CADM2: variants seen among roughly 807,000 people sequenced by gnomAD.
The protein encoded by CADM2 is immunoglobulin superfamily member 4D.
In CADM2, 12 loss-of-function variants were observed where a neutral mutation model predicts 49.8. The ratio of observed to expected loss-of-function variants is 0.24; its 90% CI spans 0.15 to 0.39. The LOEUF (loss-of-function observed/expected upper bound fraction) is 0.39, where lower values mean the gene tolerates loss of function less well. Among genes scored for constraint, CADM2 ranks in the 10% least tolerant of loss-of-function variants. CADM2 has a pLI of 1.00. For missense variants in CADM2, 378 were observed against 492.3 expected, an observed-to-expected ratio of 0.77 and a Z score of 2.20; for synonymous variants, 214 against 175.4, an observed-to-expected ratio of 1.22 and a Z score of -1.74.
intron 1 of CADM2, among the ~76,000 whole-genome samples, chr3:85,655,946 C>G (rs996544469): frequency 6.6e-6 from 1 of 151,012 alleles, no homozygotes; most frequent in African/African-American, 2.4e-5. Flanking sequence ...GAGCAGAAGC[C>G]TCCTGAATTT....
intron 1 of CADM2, among the ~76,000 whole-genome samples, chr3:85,261,404 G>T (rs1033503601): frequency 2.0e-5 from 3 of 152,120 alleles, no homozygotes; most frequent in Non-Finnish European, 4.4e-5. Flanking sequence ...AAAGTGCTAG[G>T]ATTACAGGTG....
At chr3:85,270,620 G>A (rs1054360188) in intron 1 of CADM2, among the ~76,000 whole-genome samples, 1 of 151,070 alleles carries the variant, frequency 6.6e-6, no homozygotes, top group Non-Finnish European at 1.5e-5. Context: ...CCATGATGTG[G>A]TGAGATAAAA....
intron 1 of CADM2, among the ~76,000 whole-genome samples, chr3:85,644,149 G>A (rs772413032): frequency 6.6e-6 from 1 of 152,126 alleles, no homozygotes; most frequent in Non-Finnish European, 1.5e-5. Flanking sequence ...CAAAGTTTTA[G>A]CAGCGTTGGT....
At chr3:85,481,730 T>C (rs1161473138) in intron 1 of CADM2, among the ~76,000 whole-genome samples, 1 of 151,736 alleles carries the variant, frequency 6.6e-6, no homozygotes, top group Non-Finnish European at 1.5e-5. Context: ...ATTTAAATTC[T>C]TGTGCTAGGA....
At chr3:85,827,696 G>A (rs192268398) in intron 3 of CADM2, among the ~76,000 whole-genome samples, 134 of 152,030 alleles carry the variant, frequency 8.8e-4, no homozygotes, top group Admixed American at 3.4e-3. Context: ...TCTTCCTGAG[G>A]CTTATTTTCA....
chr3:85,759,797 C>T (rs762549424), intron 2 of CADM2, among the ~76,000 whole-genome samples: 31 of 152,024 alleles, frequency 2.0e-4, no homozygotes, highest in Non-Finnish European at 3.5e-4. Context: ...ATACTGGGGA[C>T]CTTGGGGACA....
chr3:86,047,913 G>A (rs144290605), intron 8 of CADM2, among the ~76,000 whole-genome samples: 7 of 152,196 alleles, frequency 4.6e-5, no homozygotes, highest in East Asian at 3.9e-4. Context: ...GGAAGATATC[G>A]CAAAGATCAC....
At chr3:84,980,364 C>T (rs2032095670) in intron 1 of CADM2, among the ~76,000 whole-genome samples, 1 of 152,122 alleles carries the variant, frequency 6.6e-6, no homozygotes, top group Admixed American at 6.5e-5. Context: ...ACCTCACTTA[C>T]CCTATTAATG....
At chr3:85,932,251 G>C (rs1354721982) in intron 6 of CADM2, among the ~76,000 whole-genome samples, 1 of 152,134 alleles carries the variant, frequency 6.6e-6, no homozygotes, top group Non-Finnish European at 1.5e-5. Context: ...GATGCTAGTG[G>C]TATCTATAGA....
chr3:85,031,395 C>G (rs1210999025), intron 1 of CADM2, among the ~76,000 whole-genome samples: 1 of 152,174 alleles, frequency 6.6e-6, no homozygotes, highest in Non-Finnish European at 1.5e-5. Flanking sequence ...CTTCTCAGCT[C>G]TTCTCAGCAA....
At position 85,211,528 on chromosome 3, in the gene CADM2, A is replaced by T. The variant is rs563368081; in HGVS notation, c.61+251860A>T. Among the ~76,000 whole-genome samples the T allele has an allele frequency of 1.2e-4, 18 of 152,054 alleles. No individual in the cohort carries two copies. The East Asian group carries it at 3.5e-3, about 29-fold the overall frequency. On this transcript the variant is annotated intron_variant, in intron 1 of 9. Coordinates refer to ENST00000383699, the MANE Select transcript of CADM2 (RefSeq NM_001167675.2). The stretch of plus-strand genomic sequence containing the variant: ...CAAGAAATCTTAAATTTTCTTCTTA[A>T]TTTCTTCATTAGCCTTCTGGTCACC...
At chr3:85,952,012 C>A (rs1259710753) in intron 7 of CADM2, among the ~76,000 whole-genome samples, 2 of 150,798 alleles carry the variant, frequency 1.3e-5, no homozygotes, top group South Asian at 2.1e-4. Context: ...TCAGTTAAGA[C>A]TGGAGGTTTT....
At chr3:86,014,783 G>A (rs1283183862) in intron 8 of CADM2, 28 of 1,473,170 alleles carry the variant, frequency 1.9e-5, no homozygotes, top group Admixed American at 1.4e-4. Flanking sequence ...GAATCAAATA[G>A]AAACACAGGA....
In CADM2 at chr3:85,987,609, A is replaced by G. The variant is rs1228544971; in HGVS notation, c.970+25962A>G. ...ATAAATAAAATTGTTATAATAAATT[A>G]TAATTATTATAATTAAATATTATAA... On this transcript the variant is annotated intron_variant, in intron 8 of 9. Coordinates refer to ENST00000383699, the MANE Select transcript of CADM2 (RefSeq NM_001167675.2). Among the ~76,000 whole-genome samples, 5 of 147,016 alleles carry G rather than the reference A, an allele frequency of 3.4e-5. No homozygotes were observed. In the Admixed American group the frequency reaches 3.4e-4, roughly 10 times the overall value.
intron 8 of CADM2, among the ~76,000 whole-genome samples, chr3:85,980,073 A>G (rs1218265086): frequency 6.6e-6 from 1 of 151,538 alleles, no homozygotes; most frequent in East Asian, 1.9e-4. Context: ...TGAAGCCATT[A>G]TAGAAAAACA....
chr3:85,979,216 A>T, intron 8 of CADM2: 2 of 1,610,912 alleles, frequency 1.2e-6, no homozygotes, highest in Non-Finnish European at 1.7e-6. Context: ...TTACCACTGC[A>T]ACAGTCACAA....
At chr3:85,849,916 GT>G (rs2075029874) in intron 3 of CADM2, among the ~76,000 whole-genome samples, 1 of 152,146 alleles carries the variant, frequency 6.6e-6, no homozygotes, top group Non-Finnish European at 1.5e-5. Context: ...ACAGGCAGAT[GT>G]TAAAGTTTGG....
intron 1 of CADM2, among the ~76,000 whole-genome samples, chr3:85,058,943 TA>T (rs1378681749): frequency 6.6e-6 from 1 of 151,624 alleles, no homozygotes; most frequent in Non-Finnish European, 1.5e-5. Flanking sequence ...TTATATATAC[TA>T]AAAATATATA....
chr3:85,925,705 G>A (rs566915279), intron 6 of CADM2, among the ~76,000 whole-genome samples: 2 of 152,208 alleles, frequency 1.3e-5, no homozygotes, highest in South Asian at 2.1e-4. Flanking sequence ...AGTATTAAGC[G>A]TTCACTTCCT....
Sources: allele counts gnomAD v4.1 joint callset (sites outside exome capture counted in the v4.1 genomes callset), GRCh38; gene constraint gnomAD v4.1.1; transcripts MANE v1.5; gene names NCBI Gene and HGNC (gene_info 2026-07-23, HGNC 2026-07-21).